The following EBF2 variants were observed in gnomAD, a reference collection of about 807,000 sequenced individuals.
EBF2 encodes EBF transcription factor 2.
Under a neutral mutation model 72.8 loss-of-function variants are expected in EBF2, and 21 were observed. The ratio of observed to expected loss-of-function variants is 0.29; its 90% confidence interval spans 0.20 to 0.42. The LOEUF (loss-of-function observed/expected upper bound fraction) is 0.42, where lower values mean the gene tolerates loss of function less well. Ranked by LOEUF, EBF2 falls within the 10% of genes least tolerant of loss-of-function variation. The pLI, the probability that EBF2 is intolerant of heterozygous loss-of-function variation, is 1.00. For missense variants in EBF2, 637 were observed against 731.2 expected (o/e 0.87, Z 1.49); for synonymous variants, 299 against 274.2 (o/e 1.09, Z -0.89).
chr8:26,019,586 G>T lies in EBF2; in HGVS notation c.551+13499C>A, dbSNP rs547655800. ...AGGATCATCTGCTGGTTATGGCCCT[G>T]TACAGATGTGACTAGACAGCAGCTG... On this transcript the variant is annotated intron_variant, in intron 6 of 15. Coordinates refer to ENST00000520164, the MANE Select transcript of EBF2 (RefSeq NM_022659.4). Among the ~76,000 whole-genome samples, 26 of 152,294 alleles carry T rather than the reference G, an allele frequency of 1.7e-4. No individual in the cohort carries two copies. The East Asian group carries it at 2.3e-3, about 14-fold the overall frequency.
At chr8:26,037,955 TAACACTATGCAA>T (rs1805531729) in intron 5 of EBF2, among the ~76,000 whole-genome samples, 1 of 152,188 alleles carries the variant, frequency 6.6e-6, no homozygotes, top group Admixed American at 6.5e-5. Flanking sequence ...GTATGCCAAA[TAACACTATGCAA>T]ATGAAACTAA....
At chr8:25,865,448 T>C (rs576924528) in intron 10 of EBF2, among the ~76,000 whole-genome samples, 2 of 152,194 alleles carry the variant, frequency 1.3e-5, no homozygotes, top group South Asian at 2.1e-4. Flanking sequence ...ACAATCAGCT[T>C]TAGAGTTGAG....
intron 2 of EBF2, 64 bp from the exon 3 acceptor site, chr8:26,041,066 G>A: frequency 6.3e-7 from 1 of 1,575,368 alleles, no homozygotes; most frequent in Non-Finnish European, 8.7e-7. Context: ...GGAAAGAGGA[G>A]ACAGTGAATC....
intron 14 of EBF2, among the ~76,000 whole-genome samples, chr8:25,852,282 G>C (rs1801997162): frequency 6.6e-6 from 1 of 152,156 alleles, no homozygotes; most frequent in Non-Finnish European, 1.5e-5. Context: ...ATCTCTTCTA[G>C]CCTTGGGTTT....
At chr8:26,011,212 G>A (rs535445038) in intron 6 of EBF2, among the ~76,000 whole-genome samples, 3 of 152,184 alleles carry the variant, frequency 2.0e-5, no homozygotes, top group Non-Finnish European at 4.4e-5. Context: ...TGGAAATATT[G>A]TTTATATTGA....
At chr8:25,973,526 G>A (rs1804222755) in intron 6 of EBF2, among the ~76,000 whole-genome samples, 1 of 152,124 alleles carries the variant, frequency 6.6e-6, no homozygotes, top group African/African-American at 2.4e-5. Context: ...CAGCGATGAA[G>A]CAAACTTAAC....
intron 6 of EBF2, among the ~76,000 whole-genome samples, chr8:25,979,355 G>A (rs1359412868): frequency 6.6e-6 from 1 of 152,166 alleles, no homozygotes; most frequent in Admixed American, 6.5e-5. Context: ...GCAAACCCTC[G>A]CCCTGCCCCC....
rs576053784 is a variant in EBF2, at chr8:25,946,079, CT to C, written c.552-37525del. 1.9e-3 allele frequency among the ~76,000 whole-genome samples: 291 copies of C among 152,302 alleles called. 6 individuals are homozygous for C. Among genetic ancestry groups the C allele is most frequent in the South Asian group, 3.3e-3 (16 of 4,816 alleles). ...TGCCTGGCGTGATGGGGAAATGCCACTGTCAGAAGTAATCATTTCTGATAAT... is the reference window on the plus strand; with the variant it reads ...TGCCTGGCGTGATGGGGAAATGCCACGTCAGAAGTAATCATTTCTGATAAT... On this transcript the variant is annotated intron_variant, in intron 6 of 15. Transcript: ENST00000520164.
chr8:25,928,444 C>A (rs946222080), intron 6 of EBF2, among the ~76,000 whole-genome samples: 2 of 152,218 alleles, frequency 1.3e-5, no homozygotes, highest in African/African-American at 4.8e-5. Flanking sequence ...GCCCAGAAAC[C>A]AAATGTGAAT....
At chr8:25,972,668 C>T (rs1804208971) in intron 6 of EBF2, among the ~76,000 whole-genome samples, 1 of 152,104 alleles carries the variant, frequency 6.6e-6, no homozygotes, top group Non-Finnish European at 1.5e-5. Flanking sequence ...GAGGGTCACA[C>T]AGGAAGATGA....
Position 25,987,062 on chromosome 8 carries a change from G to C in EBF2, c.551+46023C>G, listed in dbSNP as rs1280009570. The stretch of plus-strand genomic sequence containing the variant: ...TACCCTGGAATTAAAAAAAAAAACT[G>C]ATAATTTGCATCTTTCTCATAAAAG... On this transcript the variant is annotated intron_variant, in intron 6 of 15. Coordinates refer to ENST00000520164, the MANE Select transcript of EBF2 (RefSeq NM_022659.4). Among the ~76,000 whole-genome samples, 7 of 151,834 alleles carry C rather than the reference G, an allele frequency of 4.6e-5. No homozygotes were observed. The East Asian group carries it at 1.3e-3, about 29-fold the overall frequency.
chr8:26,018,709 T>C (rs1805154491), intron 6 of EBF2, among the ~76,000 whole-genome samples: 1 of 151,658 alleles, frequency 6.6e-6, no homozygotes, highest in Non-Finnish European at 1.5e-5. Flanking sequence ...GGGCTGCTGA[T>C]GGAATAGGAA....
chr8:25,969,855 C>T (rs1270013358), intron 6 of EBF2, among the ~76,000 whole-genome samples: 2 of 152,172 alleles, frequency 1.3e-5, no homozygotes. Flanking sequence ...CAGGCACATG[C>T]CACCGTGCCT....
intron 6 of EBF2, among the ~76,000 whole-genome samples, chr8:25,968,717 A>G (rs912229007): frequency 1.3e-5 from 2 of 152,158 alleles, no homozygotes; most frequent in Non-Finnish European, 2.9e-5. Context: ...ATACACCACC[A>G]CACCTAATTT....
At chr8:25,961,668 G>A (rs1055002309) in intron 6 of EBF2, among the ~76,000 whole-genome samples, 1 of 152,140 alleles carries the variant, frequency 6.6e-6, no homozygotes, top group Non-Finnish European at 1.5e-5. Flanking sequence ...GCCCTAATGT[G>A]AGGTGTTAAG....
chr8:25,981,279 A>C (rs1804357169), intron 6 of EBF2, among the ~76,000 whole-genome samples: 1 of 152,116 alleles, frequency 6.6e-6, no homozygotes, highest in South Asian at 2.1e-4. Flanking sequence ...GACCTTGGCC[A>C]GATTCCTGCC....
At chr8:25,947,493 A>C (rs1803790702) in intron 6 of EBF2, among the ~76,000 whole-genome samples, 1 of 152,200 alleles carries the variant, frequency 6.6e-6, no homozygotes, top group Non-Finnish European at 1.5e-5. Context: ...AGGGAAGTTC[A>C]ATCAGGTCAC....
intron 6 of EBF2, among the ~76,000 whole-genome samples, chr8:25,913,768 G>A (rs918167099): frequency 6.6e-6 from 1 of 152,120 alleles, no homozygotes; most frequent in Non-Finnish European, 1.5e-5. Flanking sequence ...TGAGTCAAAC[G>A]TACAGTTGAT....
chr8:25,963,201 C>A (rs902791376), intron 6 of EBF2, among the ~76,000 whole-genome samples: 3 of 152,194 alleles, frequency 2.0e-5, no homozygotes, highest in African/African-American at 7.2e-5. Flanking sequence ...CCAGGAATTA[C>A]CTGGTCACCT....
Sources: allele counts gnomAD v4.1 joint callset (sites outside exome capture counted in the v4.1 genomes callset), GRCh38; gene constraint gnomAD v4.1.1; transcripts MANE v1.5; gene names NCBI Gene and HGNC (gene_info 2026-07-23, HGNC 2026-07-21).